The following ASRGL1 variants were observed in gnomAD, a reference collection of about 807,000 sequenced individuals.
ASRGL1 encodes the protein asparaginase and isoaspartyl peptidase 1, also known as isoaspartyl peptidase/L-asparaginase.
ASRGL1 carries 16 observed loss-of-function variants against 22.4 expected under a neutral mutation model. That is an observed-to-expected ratio of 0.71 (90% CI 0.48 to 1.08). The LOEUF is 1.08. Among genes scored for constraint, ASRGL1 ranks in the 50% least tolerant of loss-of-function variants. The pLI is 0.00. For missense variants in ASRGL1, 412 were observed against 410.1 expected, an observed-to-expected ratio of 1.00 and a Z score of -0.04; for synonymous variants, 165 against 159.3, an observed-to-expected ratio of 1.04 and a Z score of -0.27.
At chr11:62,372,233 G>T (rs1946791893) in intron 4 of ASRGL1, 6 of 1,360,266 alleles carry the variant, frequency 4.4e-6, no homozygotes, top group Non-Finnish European at 6.3e-6. Flanking sequence ...TGTGTGCAGC[G>T]TGTGCGCGGA....
At position 62,360,219 on chromosome 11, in the gene ASRGL1, G is replaced by A. The variant is rs539520747; in HGVS notation, c.491+3075G>A. On this transcript the variant is annotated intron_variant, in intron 4 of 6. Coordinates refer to ENST00000415229, the MANE Select transcript of ASRGL1 (RefSeq NM_001083926.2). ...ATTTTTGTATTTTTAGTAGAGAGAG[G>A]GTTTCACCATGTTGGCCAGACTGGT... 3.5e-3 allele frequency among the ~76,000 whole-genome samples: 534 copies of A among 150,874 alleles called. 1 individual carries two copies. Among genetic ancestry groups the A allele is most frequent in the African/African-American group, 0.012 (490 of 41,244 alleles).
intron 2 of ASRGL1, among the ~76,000 whole-genome samples, chr11:62,347,113 T>C (rs187576156): frequency 5.3e-5 from 8 of 152,310 alleles, no homozygotes; most frequent in Admixed American, 4.6e-4. Context: ...ATGTAACCTT[T>C]GAGCATGTAC....
intron 4 of ASRGL1, among the ~76,000 whole-genome samples, chr11:62,381,396 G>A (rs1045383583): frequency 3.3e-5 from 5 of 152,146 alleles, no homozygotes; most frequent in Admixed American, 1.3e-4. Context: ...TATTTACAAT[G>A]TGAACTTTTG....
chr11:62,343,377 C>CAAAA lies in ASRGL1; in HGVS notation c.190+5226_190+5229dup, dbSNP rs35798082. Among the ~76,000 whole-genome samples the CAAAA allele has an allele frequency of 4.0e-3, 349 of 86,316 alleles. 3 individuals carry two copies. The highest frequency in any genetic ancestry group is 0.015 in the African/African-American group (329 of 21,454). The allele number at this position is 86,316 out of a possible 152,430, so 56.6% of individuals were successfully genotyped here. A position where few individuals can be genotyped will look rare whatever the true frequency, so the allele number is the denominator to read the frequency against. ...TGGGTGACAGAGTGAGACCCTGTCT[C>CAAAA]AAAAAAAAAAAAAAAAAAAGGAACT... On this transcript the variant is annotated intron_variant, in intron 2 of 6. Coordinates refer to ENST00000415229, the MANE Select transcript of ASRGL1 (RefSeq NM_001083926.2).
At chr11:62,341,648 G>T (rs1450049284) in intron 2 of ASRGL1, among the ~76,000 whole-genome samples, 2 of 152,180 alleles carry the variant, frequency 1.3e-5, no homozygotes, top group Non-Finnish European at 2.9e-5. Context: ...ACCAGGTTTA[G>T]AATCTACTAG....
chr11:62,371,638 G>T, intron 4 of ASRGL1: 1 of 645,700 alleles, frequency 1.5e-6, no homozygotes, highest in South Asian at 1.4e-5. Context: ...AACCAACTGG[G>T]ACTTGATTGG....
downstream of ASRGL1, among the ~76,000 whole-genome samples, chr11:62,394,181 AAT>A (rs1351778563): frequency 7.2e-6 from 1 of 138,460 alleles, no homozygotes; most frequent in Non-Finnish European, 1.5e-5. Flanking sequence ...ATATCATATA[AAT>A]ATATATACTA....
At chr11:62,368,543 C>T (rs1453891297) in intron 4 of ASRGL1, among the ~76,000 whole-genome samples, 2 of 151,970 alleles carry the variant, frequency 1.3e-5, no homozygotes, top group African/African-American at 4.8e-5. Flanking sequence ...TCAGGTGGGA[C>T]GAGAGACAGA....
Position 62,360,330 on chromosome 11 carries a change from C to CT in ASRGL1, c.491+3199dup, listed in dbSNP as rs370345429. Among the ~76,000 whole-genome samples, 1,150 of 142,768 alleles carry CT rather than the reference C, an allele frequency of 8.1e-3. 14 individuals are homozygous for CT. The highest frequency in any genetic ancestry group is 0.023 in the African/African-American group (903 of 39,248). The allele number at this position is 142,768 out of a possible 152,430, so 93.7% of individuals were successfully genotyped here. A position where few individuals can be genotyped will look rare whatever the true frequency, so the allele number is the denominator to read the frequency against. ...GGTATGAGCCACCATGCCCGGCCAA[C>CT]TTTTTTTTTTTTTAATTTTTTTAGA... On this transcript the variant is annotated intron_variant, in intron 4 of 6. Coordinates refer to ENST00000415229, the MANE Select transcript of ASRGL1 (RefSeq NM_001083926.2).
Position 62,389,211 on chromosome 11 carries a change from T to C in ASRGL1, c.570T>C (p.Val190=). The C allele has an allele frequency of 1.2e-6, 2 of 1,614,180 alleles. No individual in the cohort carries two copies. The highest frequency in any genetic ancestry group is 1.7e-6 in the Non-Finnish European group (2 of 1,180,030). Residue 190 remains valine, a synonymous_variant, in exon 5 of 7, where the codon GTT becomes GTC. Transcript: ENST00000415229. ...VAYATSTGGI[V]NKMVGRVGDS... ...ACGCAACCTCCACAGGCGGTATCGT[T>C]AATAAAATGGTCGGCCGCGTTGGGG...
the ASRGL1 span, among the ~76,000 whole-genome samples, chr11:62,400,889 A>G: frequency 2.6e-5 from 4 of 152,162 alleles, no homozygotes; most frequent in African/African-American, 9.6e-5. Context: ...CGGCCGCACA[A>G]TGAAAACCAG....
intron 4 of ASRGL1, chr11:62,372,251 C>G: frequency 1.3e-6 from 2 of 1,561,364 alleles, no homozygotes; most frequent in South Asian, 2.2e-5. Context: ...GGAACCACAC[C>G]TTGGCCTTGA....
rs943573651 is a variant in ASRGL1 at position 62,393,364 on chromosome 11, G to A, written c.*1080G>A. Reference sequence around the variant, plus strand: ...CTCACCTTCTCTCTGGAAAGAATTTGCTTAACTTGACATTCCATGTGCCGC... The same window carrying A: ...CTCACCTTCTCTCTGGAAAGAATTTACTTAACTTGACATTCCATGTGCCGC... On this transcript the variant is annotated 3_prime_UTR_variant, in exon 7 of 7. Coordinates refer to ENST00000415229, the MANE Select transcript of ASRGL1 (RefSeq NM_001083926.2). 3.9e-5 allele frequency: 6 copies of A among 152,188 alleles called. No individual in the cohort carries two copies. The highest frequency in any genetic ancestry group is 1.4e-4 in the African/African-American group (6 of 41,452). The allele number at this position is 152,188 out of a possible 1,614,324, so 9.4% of individuals were successfully genotyped here.
intron 4 of ASRGL1, chr11:62,372,583 C>G (rs1798927399): frequency 5.6e-6 from 5 of 887,854 alleles, no homozygotes; most frequent in Non-Finnish European, 9.7e-6. Context: ...CAGATTCTGC[C>G]TGTACCAAAT....
At chr11:62,372,512 T>TA (rs1422322281) in intron 4 of ASRGL1, 8 of 1,131,430 alleles carry the variant, frequency 7.1e-6, no homozygotes, top group Non-Finnish European at 9.4e-6. Flanking sequence ...GCACAGCAGA[T>TA]AGAGTATGAC....
chr11:62,376,140 A>G (rs1227969815), intron 4 of ASRGL1, among the ~76,000 whole-genome samples: 2 of 140,150 alleles, frequency 1.4e-5, no homozygotes, highest in Non-Finnish European at 3.1e-5. Flanking sequence ...CAAGCAGCCT[A>G]CTCTCTGGAG....
chr11:62,369,691 T>C (rs1017352318), intron 4 of ASRGL1, among the ~76,000 whole-genome samples: 3 of 152,180 alleles, frequency 2.0e-5, no homozygotes, highest in Non-Finnish European at 4.4e-5. Context: ...CAAATTTAAA[T>C]GGGCTTTTGA....
chr11:62,370,395 G>T (rs1946732055), intron 4 of ASRGL1, among the ~76,000 whole-genome samples: 1 of 152,158 alleles, frequency 6.6e-6, no homozygotes, highest in African/African-American at 2.4e-5. Flanking sequence ...AATTTAGGTC[G>T]ATAGTATAAA....
At chr11:62,387,751 C>T (rs1021117220) in intron 4 of ASRGL1, among the ~76,000 whole-genome samples, 2 of 152,120 alleles carry the variant, frequency 1.3e-5, no homozygotes, top group Admixed American at 6.5e-5. Flanking sequence ...CATATTATTG[C>T]CCTGTTACTA....
Sources: allele counts gnomAD v4.1 joint callset (sites outside exome capture counted in the v4.1 genomes callset), GRCh38; gene constraint gnomAD v4.1.1; transcripts MANE v1.5; gene names NCBI Gene and HGNC (gene_info 2026-07-23, HGNC 2026-07-21).